The following CTNNA2 variants were observed in gnomAD, a reference collection of about 807,000 sequenced individuals.
The protein encoded by CTNNA2 is catenin alpha 2.
Under a neutral mutation model 101.0 loss-of-function variants are expected in CTNNA2, and 42 were observed. The ratio of observed to expected loss-of-function variants is 0.42; its 90% CI spans 0.32 to 0.54. The LOEUF is 0.54. Among genes scored for constraint, CTNNA2 ranks in the 20% least tolerant of loss-of-function variants. The pLI, the probability that CTNNA2 is intolerant of heterozygous loss-of-function variation, is 0.14. For synonymous variants in CTNNA2, 450 were observed against 456.4 expected (o/e 0.99, Z 0.18); for missense variants, 871 against 1,223.1 (o/e 0.71, Z 4.29).
chr2:79,481,745 CAATT>C (rs779821416), intron 4 of CTNNA2, among the ~76,000 whole-genome samples: 14 of 152,038 alleles, frequency 9.2e-5, no homozygotes, highest in Non-Finnish European at 1.8e-4. Flanking sequence ...TTTTAAATAA[CAATT>C]AAAGTGCAAT....
intron 7 of CTNNA2, among the ~76,000 whole-genome samples, chr2:80,224,839 C>CTT (rs5832442): frequency 1.4e-4 from 21 of 151,488 alleles, no homozygotes; most frequent in Admixed American, 4.6e-4. Context: ...AATTATACAG[C>CTT]TTTTTTTTTC....
chr2:80,487,329 T>G (rs1292220072), intron 9 of CTNNA2, among the ~76,000 whole-genome samples: 1 of 150,832 alleles, frequency 6.6e-6, no homozygotes, highest in Non-Finnish European at 1.5e-5. Flanking sequence ...TAAGTCTGTA[T>G]AGTTGTAGTA....
At chr2:80,647,248 A>AG (rs745973248) in intron 18 of CTNNA2, among the ~76,000 whole-genome samples, 5 of 152,088 alleles carry the variant, frequency 3.3e-5, no homozygotes, top group Non-Finnish European at 7.4e-5. Context: ...TAAAATTGAG[A>AG]GGTAACCCCT....
chr2:80,511,116 G>A (rs1169365365), intron 9 of CTNNA2, among the ~76,000 whole-genome samples: 3 of 152,288 alleles, frequency 2.0e-5, no homozygotes, highest in African/African-American at 7.2e-5. Context: ...CATTCTCTGG[G>A]AAGTAGACTA....
chr2:79,816,503 AG>A (rs540163790), intron 3 of CTNNA2, among the ~76,000 whole-genome samples: 201 of 152,290 alleles, frequency 1.3e-3, no homozygotes, highest in African/African-American at 4.5e-3. Flanking sequence ...AGATGGGTGC[AG>A]GAAGAGTTAA....
At chr2:79,653,971 A>G (rs1352894527) in intron 2 of CTNNA2, among the ~76,000 whole-genome samples, 1 of 152,232 alleles carries the variant, frequency 6.6e-6, no homozygotes, top group East Asian at 1.9e-4. Flanking sequence ...CTGAGGCCTC[A>G]CCAGCATCTC....
intron 1 of CTNNA2, among the ~76,000 whole-genome samples, chr2:79,524,444 A>C (rs1672287868): frequency 6.6e-6 from 1 of 151,630 alleles, no homozygotes; most frequent in African/African-American, 2.4e-5. Context: ...GAAATACCTT[A>C]TTGGTCCAAA....
At chr2:79,897,005 G>A (rs960333697) in intron 6 of CTNNA2, among the ~76,000 whole-genome samples, 2 of 152,142 alleles carry the variant, frequency 1.3e-5, no homozygotes, top group African/African-American at 4.8e-5. Context: ...AATCTTGAAG[G>A]CCAGGCATCT....
intron 2 of CTNNA2, among the ~76,000 whole-genome samples, chr2:79,652,349 T>C (rs755944031): frequency 3.9e-5 from 6 of 152,088 alleles, no homozygotes; most frequent in Admixed American, 6.6e-5. Flanking sequence ...TTTATTATTC[T>C]AGAGGTCAAA....
At chr2:80,076,878 T>G (rs1698791242) in intron 7 of CTNNA2, among the ~76,000 whole-genome samples, 1 of 151,682 alleles carries the variant, frequency 6.6e-6, no homozygotes, top group African/African-American at 2.4e-5. Flanking sequence ...ACCCCGTCTC[T>G]ACTAAAAAAT....
At chr2:80,585,880 T>C (rs1282227290) in intron 14 of CTNNA2, among the ~76,000 whole-genome samples, 2 of 152,210 alleles carry the variant, frequency 1.3e-5, no homozygotes, top group Non-Finnish European at 2.9e-5. Flanking sequence ...CTTCAGCTCA[T>C]TGATAGCTAC....
At chr2:80,250,583 G>A (rs558183867) in intron 7 of CTNNA2, among the ~76,000 whole-genome samples, 1 of 152,254 alleles carries the variant, frequency 6.6e-6, no homozygotes, top group Admixed American at 6.5e-5. Context: ...AAGGTGGAAT[G>A]TTTTAGAGAA....
chr2:79,574,617 A>G (rs1418518493), intron 1 of CTNNA2, among the ~76,000 whole-genome samples: 1 of 152,102 alleles, frequency 6.6e-6, no homozygotes, highest in African/African-American at 2.4e-5. Flanking sequence ...CCAGTCTGTC[A>G]TTGGTGGGCA....
intron 7 of CTNNA2, among the ~76,000 whole-genome samples, chr2:79,976,594 A>C (rs1024506116): frequency 1.3e-5 from 2 of 152,218 alleles, no homozygotes; most frequent in Non-Finnish European, 2.9e-5. Flanking sequence ...TTTTGAAAGA[A>C]TTTTAAGGGC....
intron 7 of CTNNA2, among the ~76,000 whole-genome samples, chr2:80,364,249 G>GA (rs1229930881): frequency 6.6e-6 from 1 of 152,078 alleles, no homozygotes; most frequent in Non-Finnish European, 1.5e-5. Context: ...TTCTCTTGGA[G>GA]AAAAAAGCTT....
intron 1 of CTNNA2, among the ~76,000 whole-genome samples, chr2:79,573,259 A>C (rs556722976): frequency 9.7e-4 from 148 of 152,304 alleles, no homozygotes; most frequent in Admixed American, 1.9e-3. Flanking sequence ...ATCCTTTTCA[A>C]AGTAGGAAGT....
chr2:79,403,694 A>G (rs556205496), intron 4 of CTNNA2, among the ~76,000 whole-genome samples: 2 of 152,160 alleles, frequency 1.3e-5, no homozygotes, highest in African/African-American at 4.8e-5. Flanking sequence ...AGTAGGAATC[A>G]GAGAGAAGAA....
At chr2:79,408,319 A>ATT (rs1558659870) in intron 4 of CTNNA2, among the ~76,000 whole-genome samples, 93 of 148,730 alleles carry the variant, frequency 6.3e-4, no homozygotes, top group African/African-American at 2.2e-3. Flanking sequence ...TTATTATTAT[A>ATT]ATACTTTAAG....
At chr2:80,226,306 T>C (rs918375671) in intron 7 of CTNNA2, among the ~76,000 whole-genome samples, 31 of 152,156 alleles carry the variant, frequency 2.0e-4, no homozygotes, top group African/African-American at 6.3e-4. Context: ...AAAGGCATGG[T>C]TTTAAACCGA....
Sources: allele counts gnomAD v4.1 joint callset (sites outside exome capture counted in the v4.1 genomes callset), GRCh38; gene constraint gnomAD v4.1.1; transcripts MANE v1.5; gene names NCBI Gene and HGNC (gene_info 2026-07-23, HGNC 2026-07-21).